Variants in CUX2 observed in about 807,000 individuals in gnomAD.
CUX2 encodes the protein homeobox protein cut-like 2.
Under a neutral mutation model 144.8 loss-of-function variants are expected in CUX2, and 40 were observed. The observed-to-expected ratio is 0.28, with a 90% CI of 0.21 to 0.36. The LOEUF is 0.36. CUX2 is among the 10% of genes least tolerant of loss of function. The pLI, the probability that CUX2 is intolerant of heterozygous loss-of-function variation, is 1.00. For synonymous variants in CUX2, 827 were observed against 875.6 expected, an observed-to-expected ratio of 0.94 and a Z score of 0.98; for missense variants, 1,615 against 1,994.0, an observed-to-expected ratio of 0.81 and a Z score of 3.62.
In CUX2 at chr12:111,246,540, C is replaced by G. The variant is rs1883287372; in HGVS notation, c.223-17221C>G. On this transcript the variant is annotated intron_variant, in intron 3 of 21. Coordinates refer to ENST00000261726, the MANE Select transcript of CUX2 (RefSeq NM_015267.4). This position sits in a 1 kb window ranked among gnomAD's most constrained non-coding sequence, Gnocchi z 4.0. ...ACATCTTCCAATTCTTCCAGAGAAG[C>G]TGGAAATCTTGATTTTTATGCAAAA... 6.6e-6 allele frequency among the ~76,000 whole-genome samples: 1 copy of G among 152,214 alleles called. No individual in the cohort carries two copies. Among genetic ancestry groups the G allele is most frequent in the African/African-American group, 2.4e-5 (1 of 41,450 alleles).
At chr12:111,089,469 G>T (rs1314529813) in intron 1 of CUX2, among the ~76,000 whole-genome samples, 1 of 152,254 alleles carries the variant, frequency 6.6e-6, no homozygotes, top group Non-Finnish European at 1.5e-5. Context: ...AGGGCTCTGA[G>T]CTGAGAGGAG....
intron 1 of CUX2, among the ~76,000 whole-genome samples, chr12:111,143,527 T>C (rs952585268): frequency 1.3e-5 from 2 of 152,260 alleles, no homozygotes; most frequent in African/African-American, 4.8e-5. Context: ...ATTACATTGA[T>C]GTACCATTTG....
Position 111,059,557 on chromosome 12 carries a change from C to T in CUX2, c.63+25317C>T, listed in dbSNP as rs941863289. Reference sequence around the variant, plus strand: ...GGGGCACGTGACTCTTCTGACTTTCCTAGGTCCCCCCACCCAGGGTCAGCT... The same window carrying T: ...GGGGCACGTGACTCTTCTGACTTTCTTAGGTCCCCCCACCCAGGGTCAGCT... On this transcript the variant is annotated intron_variant, in intron 1 of 21. Coordinates refer to ENST00000261726, the MANE Select transcript of CUX2 (RefSeq NM_015267.4). The surrounding 1 kb of genome is among the most constrained non-coding windows in gnomAD (Gnocchi z 5.3). Among the ~76,000 whole-genome samples, 1 of 152,156 alleles carries T rather than the reference C, an allele frequency of 6.6e-6. No homozygotes were observed. Among genetic ancestry groups the T allele is most frequent in the South Asian group, 2.1e-4 (1 of 4,826 alleles).
At chr12:111,206,262 G>T (rs1456421336) in intron 1 of CUX2, among the ~76,000 whole-genome samples, 1 of 152,202 alleles carries the variant, frequency 6.6e-6, no homozygotes, top group Non-Finnish European at 1.5e-5. Flanking sequence ...GGCATGGGAG[G>T]TTGAAGCTGC....
At chr12:111,321,355 G>A (rs988893494) in intron 17 of CUX2, among the ~76,000 whole-genome samples, 1 of 152,016 alleles carries the variant, frequency 6.6e-6, no homozygotes, top group African/African-American at 2.4e-5. Flanking sequence ...TATAGTCATG[G>A]CTACTTAGGA....
At chr12:111,197,682 A>G (rs1298221406) in intron 1 of CUX2, among the ~76,000 whole-genome samples, 2 of 152,214 alleles carry the variant, frequency 1.3e-5, no homozygotes, top group Non-Finnish European at 2.9e-5. Flanking sequence ...AAATGGCTTC[A>G]TCCAGCTGGA....
At chr12:111,133,800 G>A (rs1206049998) in intron 1 of CUX2, among the ~76,000 whole-genome samples, 1 of 152,142 alleles carries the variant, frequency 6.6e-6, no homozygotes, top group Admixed American at 6.6e-5. Flanking sequence ...GGCAGTGCAG[G>A]GTTAATTCCC....
chr12:111,124,909 C>G (rs977307160), intron 1 of CUX2, among the ~76,000 whole-genome samples: 3 of 152,132 alleles, frequency 2.0e-5, no homozygotes, highest in African/African-American at 7.2e-5. Flanking sequence ...TCTTCTGTTC[C>G]TATGTTAGTT....
chr12:111,084,533 C>A (rs1025591093), intron 1 of CUX2, among the ~76,000 whole-genome samples: 25 of 149,168 alleles, frequency 1.7e-4, no homozygotes, highest in African/African-American at 6.2e-4. Flanking sequence ...CTGGCTATTA[C>A]GGAAATAGTA....
chr12:111,076,021 A>G lies in CUX2; in HGVS notation c.63+41781A>G, dbSNP rs114305576. Among the ~76,000 whole-genome samples the G allele has an allele frequency of 5.1e-3, 777 of 152,362 alleles. 9 individuals carry two copies. Among genetic ancestry groups the G allele is most frequent in the African/African-American group, 0.018 (748 of 41,586 alleles). On this transcript the variant is annotated intron_variant, in intron 1 of 21. Transcript: ENST00000261726. The stretch of plus-strand genomic sequence containing the variant: ...TAAAGGTGAGAAAACTAAGGTTCAG[A>G]GAGGTGAATTCACATTCTTGAAGTC...
At chr12:111,309,985 C>T in intron 14 of CUX2, 56 bp from the exon 15 acceptor site, 1 of 1,268,140 alleles carries the variant, frequency 7.9e-7, no homozygotes, top group African/African-American at 1.5e-5. Context: ...GTCTCTCTCT[C>T]CCCTCATCAT....
At chr12:111,151,270 T>C (rs1382001180) in intron 1 of CUX2, among the ~76,000 whole-genome samples, 3 of 152,236 alleles carry the variant, frequency 2.0e-5, no homozygotes, top group African/African-American at 7.2e-5. Flanking sequence ...ATTCATTCGT[T>C]ACCATGCGCT....
At chr12:111,168,794 C>G (rs931862752) in intron 1 of CUX2, among the ~76,000 whole-genome samples, 1 of 152,162 alleles carries the variant, frequency 6.6e-6, no homozygotes, top group Admixed American at 6.5e-5. Flanking sequence ...ATAAGAAACG[C>G]AAGTTGCTAA....
At chr12:111,316,262 C>A (rs540876957) in intron 16 of CUX2, among the ~76,000 whole-genome samples, 27 of 151,486 alleles carry the variant, frequency 1.8e-4, no homozygotes, top group African/African-American at 6.1e-4. Context: ...CCTCAGCCTC[C>A]CGAGTAGCTG....
chr12:111,347,683 G>A lies in CUX2; in HGVS notation c.3819G>A (p.Lys1273=), dbSNP rs754159297. ...SETEDQKPTV[K]ELELQEGPEE... is the part of the protein sequence containing the mutation. Reference sequence around the variant, plus strand: ...CTGAGGACCAGAAGCCAACCGTGAAGGAACTGGAGCTTCAGGAGGGCCCTG... The same window carrying A: ...CTGAGGACCAGAAGCCAACCGTGAAAGAACTGGAGCTTCAGGAGGGCCCTG... Residue 1273 remains lysine (K), a synonymous_variant, in exon 22 of 22, where the codon AAG becomes AAA. Coordinates refer to ENST00000261726, the MANE Select transcript of CUX2 (RefSeq NM_015267.4). The A allele has an allele frequency of 6.3e-7, 1 of 1,589,834 alleles. No individual in the cohort carries two copies. The highest frequency in any genetic ancestry group is 2.3e-5 in the East Asian group (1 of 43,342).
In CUX2 at chr12:111,314,639, T is replaced by TAAAAAAAA. The variant is rs954472479; in HGVS notation, c.2002+2460_2002+2467dup. On this transcript the variant is annotated intron_variant, in intron 16 of 21. Coordinates refer to ENST00000261726, the MANE Select transcript of CUX2 (RefSeq NM_015267.4). ...TGCGCAACAAGAGCAAAACTCAGTCTAAAAAAAAAAAAAAAAAAAAAAAAA... is the reference window on the plus strand; with the variant it reads ...TGCGCAACAAGAGCAAAACTCAGTCTAAAAAAAAAAAAAAAAAAAAAAAAAAAAAAAAA... Among the ~76,000 whole-genome samples, 62 of 23,194 alleles carry TAAAAAAAA rather than the reference T, an allele frequency of 2.7e-3. No individual in the cohort carries two copies. The East Asian group carries it at 0.037, about 14-fold the overall frequency. 15.2% of individuals were successfully genotyped at this position (23,194 alleles called of 152,430 possible). A position where few individuals can be genotyped will look rare whatever the true frequency, so the allele number is the denominator to read the frequency against.
At chr12:111,173,184 C>T (rs1040713019) in intron 1 of CUX2, among the ~76,000 whole-genome samples, 3 of 152,194 alleles carry the variant, frequency 2.0e-5, no homozygotes, top group Admixed American at 1.3e-4. Context: ...GCATCTACTG[C>T]GTGGGAGTCT....
rs146497939 is a variant in CUX2 at position 111,350,158 on chromosome 12, A to T, written c.*1833A>T. 12 of 152,650 alleles carry T rather than the reference A, an allele frequency of 7.9e-5. No individual in the cohort carries two copies. In the East Asian group the frequency reaches 2.1e-3, roughly 27 times the overall value. 9.5% of individuals were successfully genotyped at this position (152,650 alleles called of 1,614,324 possible). A position where few individuals can be genotyped will look rare whatever the true frequency, so the allele number is the denominator to read the frequency against. ...GGAAACAGTGACCATTTTCAGAGTAATCAAATCTGGAACAAATGAAACATC... is the reference window on the plus strand; with the variant it reads ...GGAAACAGTGACCATTTTCAGAGTATTCAAATCTGGAACAAATGAAACATC... On this transcript the variant is annotated 3_prime_UTR_variant, in exon 22 of 22. Transcript: ENST00000261726.
intron 1 of CUX2, among the ~76,000 whole-genome samples, chr12:111,200,838 A>C (rs1187201208): frequency 3.3e-5 from 5 of 152,180 alleles, no homozygotes; most frequent in Non-Finnish European, 5.9e-5. Context: ...GAATGCTTCC[A>C]TCTTCGTGCT....
Sources: allele counts gnomAD v4.1 joint callset (sites outside exome capture counted in the v4.1 genomes callset), GRCh38; gene constraint gnomAD v4.1.1; non-coding constraint Gnocchi (gnomAD v3.1); transcripts MANE v1.5; gene names NCBI Gene and HGNC (gene_info 2026-07-23, HGNC 2026-07-21).